EPHA6: variants seen among roughly 807,000 people sequenced by gnomAD.
The protein encoded by EPHA6 is ephrin type-A receptor 6.
EPHA6 carries 50 observed loss-of-function variants against 112.0 expected under a neutral mutation model. That is an observed-to-expected ratio of 0.45 (90% CI 0.36 to 0.56). The LOEUF (loss-of-function observed/expected upper bound fraction) is 0.56, where lower values mean the gene tolerates loss of function less well. Among genes scored for constraint, EPHA6 ranks in the 20% least tolerant of loss-of-function variants. The probability of loss-of-function intolerance (pLI) is 0.00; values close to 1 mark genes in which losing one functional copy is unlikely to be tolerated. For synonymous variants in EPHA6, 529 were observed against 490.7 expected (o/e 1.08, Z -1.03); for missense variants, 1,280 against 1,417.4 (o/e 0.90, Z 1.56).
chr3:97,539,441 C>T (rs1248784213), intron 11 of EPHA6, among the ~76,000 whole-genome samples: 1 of 152,152 alleles, frequency 6.6e-6, no homozygotes, highest in Non-Finnish European at 1.5e-5. Flanking sequence ...AGCCATCACA[C>T]CTGCCGTTCC....
intron 5 of EPHA6, among the ~76,000 whole-genome samples, chr3:97,297,459 C>G (rs1245627460): frequency 2.6e-5 from 4 of 152,110 alleles, no homozygotes. Context: ...AGGTGAATCT[C>G]TTCTCTAGCT....
chr3:97,745,413 A>C, intron 16 of EPHA6: 1 of 451,550 alleles, frequency 2.2e-6, no homozygotes. Context: ...CACAATCAAA[A>C]TAACGTTGCA....
chr3:97,479,239 C>A, intron 8 of EPHA6, 55 bp from the exon 9 acceptor site: 2 of 1,098,216 alleles, frequency 1.8e-6, no homozygotes, highest in South Asian at 3.1e-5. Flanking sequence ...ATTGGTTTTG[C>A]ATTGTATGCA....
chr3:97,047,499 CAAAAAAAAAA>C (rs556388538), intron 3 of EPHA6, among the ~76,000 whole-genome samples: 1 of 46,452 alleles, frequency 2.2e-5, no homozygotes, highest in African/African-American at 6.9e-5. Flanking sequence ...GACTCTGTCT[CAAAAAAAAAA>C]AAAAAAAAAA....
At chr3:97,132,352 GTTCTT>G (rs1272374734) in intron 3 of EPHA6, among the ~76,000 whole-genome samples, 1 of 151,992 alleles carries the variant, frequency 6.6e-6, no homozygotes, top group African/African-American at 2.4e-5. Context: ...TATTTTTAAA[GTTCTT>G]TTCATATTTG....
chr3:97,353,773 G>A (rs748221018), intron 5 of EPHA6, among the ~76,000 whole-genome samples: 4 of 152,122 alleles, frequency 2.6e-5, no homozygotes, highest in Non-Finnish European at 4.4e-5. Flanking sequence ...TGGACCTTGA[G>A]TGAGCATTAG....
intron 2 of EPHA6, among the ~76,000 whole-genome samples, chr3:96,970,198 AC>A (rs1381095240): frequency 6.6e-6 from 1 of 151,852 alleles, no homozygotes; most frequent in Non-Finnish European, 1.5e-5. Context: ...TGACACAGAC[AC>A]ATAGTCTAAA....
At chr3:97,165,411 G>T (rs1240742760) in intron 3 of EPHA6, among the ~76,000 whole-genome samples, 1 of 151,966 alleles carries the variant, frequency 6.6e-6, no homozygotes, top group Non-Finnish European at 1.5e-5. Flanking sequence ...ACTTACACTT[G>T]CAAAGTATAT....
At chr3:97,719,022 T>C (rs1034630959) in intron 14 of EPHA6, among the ~76,000 whole-genome samples, 1 of 149,740 alleles carries the variant, frequency 6.7e-6, no homozygotes, top group African/African-American at 2.4e-5. Context: ...GTTCCATTAA[T>C]GCTCTCATTT....
At chr3:97,342,175 A>AGACAGGCTG (rs1164991797) in intron 5 of EPHA6, among the ~76,000 whole-genome samples, 1 of 152,234 alleles carries the variant, frequency 6.6e-6, no homozygotes, top group African/African-American at 2.4e-5. Flanking sequence ...CTGTCTTCAC[A>AGACAGGCTG]GAACTGGAAC....
intron 3 of EPHA6, among the ~76,000 whole-genome samples, chr3:97,029,049 G>A (rs2044736243): frequency 6.6e-6 from 1 of 151,374 alleles, no homozygotes; most frequent in Non-Finnish European, 1.5e-5. Context: ...ATCGACTTAA[G>A]TATATCAAAA....
At position 97,054,163 on chromosome 3, in the gene EPHA6, AACACACACACAC is replaced by A. The variant is rs138411869; in HGVS notation, c.1114+66192_1114+66203del. On this transcript the variant is annotated intron_variant, in intron 3 of 17. Transcript: ENST00000389672. Reference sequence around the variant, plus strand: ...GCAGCAGATTCTGACATAACTATCTAACACACACACACACACACACACACACACACACAACAG... The same window carrying A: ...GCAGCAGATTCTGACATAACTATCTAACACACACACACACACACACAACAG... 1.5e-3 allele frequency among the ~76,000 whole-genome samples: 213 copies of A among 145,546 alleles called. 1 individual carries two copies. The highest frequency in any genetic ancestry group is 2.7e-3 in the Non-Finnish European group (177 of 65,100).
intron 5 of EPHA6, among the ~76,000 whole-genome samples, chr3:97,398,446 G>T (rs1683828396): frequency 6.6e-6 from 1 of 151,166 alleles, no homozygotes; most frequent in African/African-American, 2.4e-5. Flanking sequence ...ATTAATGGTG[G>T]TTTATTAAGA....
At chr3:97,625,868 T>G (rs2093852167) in intron 13 of EPHA6, among the ~76,000 whole-genome samples, 1 of 151,678 alleles carries the variant, frequency 6.6e-6, no homozygotes, top group Admixed American at 6.6e-5. Context: ...AGTGGAGGAT[T>G]GACTTTGGAG....
intron 14 of EPHA6, among the ~76,000 whole-genome samples, chr3:97,642,700 A>T (rs1478082708): frequency 6.6e-6 from 1 of 152,020 alleles, no homozygotes; most frequent in Non-Finnish European, 1.5e-5. Context: ...GCAATGGAAG[A>T]TGAAATGAAT....
chr3:97,583,907 A>G (rs985774505), intron 11 of EPHA6, among the ~76,000 whole-genome samples: 1 of 152,168 alleles, frequency 6.6e-6, no homozygotes, highest in African/African-American at 2.4e-5. Flanking sequence ...AATTGGAAGG[A>G]CATGTTTTTT....
intron 10 of EPHA6, among the ~76,000 whole-genome samples, chr3:97,501,875 A>G (rs1400696242): frequency 6.6e-6 from 1 of 152,062 alleles, no homozygotes; most frequent in Non-Finnish European, 1.5e-5. Context: ...GCACAGGCTT[A>G]TGCAAACCCA....
intron 9 of EPHA6, among the ~76,000 whole-genome samples, chr3:97,480,188 T>A (rs1315415991): frequency 6.6e-6 from 1 of 151,978 alleles, no homozygotes; most frequent in Non-Finnish European, 1.5e-5. Flanking sequence ...TATTATTTTT[T>A]AAGTATAATT....
intron 14 of EPHA6, among the ~76,000 whole-genome samples, chr3:97,714,595 T>C (rs1412183013): frequency 6.6e-6 from 1 of 152,214 alleles, no homozygotes; most frequent in Non-Finnish European, 1.5e-5. Context: ...GAATACAAAC[T>C]AGGAAGTGAT....
Sources: allele counts gnomAD v4.1 joint callset (sites outside exome capture counted in the v4.1 genomes callset), GRCh38; gene constraint gnomAD v4.1.1; transcripts MANE v1.5; gene names NCBI Gene and HGNC (gene_info 2026-07-23, HGNC 2026-07-21).